Variants in UBE4A observed in about 807,000 individuals in gnomAD.
UBE4A encodes ubiquitin conjugation factor E4 A.
A neutral mutation model predicts 117.9 loss-of-function variants in UBE4A; 48 were observed. That is an observed-to-expected ratio of 0.41 (90% CI 0.32 to 0.52). The LOEUF (loss-of-function observed/expected upper bound fraction) is 0.52. Ranked by LOEUF, UBE4A falls within the 20% of genes least tolerant of loss-of-function variation. UBE4A has a pLI of 0.33. For missense variants in UBE4A, 1,067 were observed against 1,296.3 expected, an observed-to-expected ratio of 0.82 and a Z score of 2.72; for synonymous variants, 407 against 450.0, an observed-to-expected ratio of 0.90 and a Z score of 1.21.
In UBE4A at chr11:118,368,835, C is replaced by G. The variant is rs1329485007; in HGVS notation, c.295+31C>G. The G allele has an allele frequency of 1.9e-6, 3 of 1,609,486 alleles. No homozygotes were observed. The Admixed American group carries it at 5.0e-5, about 27-fold the overall frequency. Reference sequence around the variant, plus strand: ...TTACAAACTTATAGCATTATTCTACCCTTCCTATTTGAGCTTGGGCTAGGG... The same window carrying G: ...TTACAAACTTATAGCATTATTCTACGCTTCCTATTTGAGCTTGGGCTAGGG... On this transcript the variant is annotated intron_variant, in intron 3 of 19. Coordinates refer to ENST00000252108, the MANE Select transcript of UBE4A (RefSeq NM_001204077.2).
Position 118,371,617 on chromosome 11 carries a change from G to A in UBE4A, c.512G>A (p.Arg171Lys). The A allele has an allele frequency of 6.2e-7, 1 of 1,613,768 alleles. No homozygotes were observed. Among genetic ancestry groups the A allele is most frequent in the Non-Finnish European group, 8.5e-7 (1 of 1,180,002 alleles). Reference sequence around the variant, plus strand: ...TCTGCTGATCGAGATGCAGGAGAGAGGCACATTTTTTGTTACCTTTACTCC... The same window carrying A: ...TCTGCTGATCGAGATGCAGGAGAGAAGCACATTTTTTGTTACCTTTACTCC... ...NLSADRDAGE[R>K]HIFCYLYSCF... Residue 171 changes from arginine to lysine, a missense_variant, in exon 5 of 20, where the codon AGG (arginine) becomes AAG (lysine). Physicochemically the swap from Arg to Lys is conservative, Grantham distance 26. This residue lies in a region of UBE4A where 1,001 missense variants were observed against 1,184.0 expected (regional missense o/e 0.85). Transcript: ENST00000252108.
In UBE4A at chr11:118,390,661, G is replaced by T; in HGVS notation, c.2773G>T (p.Glu925Ter). ...ICTIYLNLGDEENFCATVPKD... is the reference protein window; with the variant it reads ...ICTIYLNLGD ...TTTCTGATGCTAATGTTCCAGGGAT[G>T]AGGAGAATTTCTGTGCCACTGTGCC... Residue 925 changes from glutamate (E) to a stop codon, truncating the protein, a stop_gained, in exon 18 of 20, where the codon GAG becomes TAG. Transcript: ENST00000252108. LOFTEE classifies it high-confidence loss of function. 6.6e-7 allele frequency: 1 copy of T among 1,514,928 alleles called. No homozygotes were observed. Among genetic ancestry groups the T allele is most frequent in the South Asian group, 1.3e-5 (1 of 75,554 alleles). The allele number at this position is 1,514,928 out of a possible 1,614,324, so 93.8% of individuals were successfully genotyped here. A position where few individuals can be genotyped will look rare whatever the true frequency, so the allele number is the denominator to read the frequency against.
rs1948503925 is a variant in UBE4A, at chr11:118,359,638, T to G, written c.-78T>G. 1 of 152,250 alleles carries G rather than the reference T, an allele frequency of 6.6e-6. No homozygotes were observed. 9.4% of individuals were successfully genotyped at this position (152,250 alleles called of 1,614,324 possible). On this transcript the variant is annotated 5_prime_UTR_variant, in exon 1 of 20. Transcript: ENST00000252108. ...AGTGGGAACCCTTCGGCCGCTGAGA[T>G]TCTGTCGTGTCGTCGCTGCTGGCAC...
In UBE4A at chr11:118,396,392, C is replaced by T; in HGVS notation, c.3153C>T (p.Ile1051=). The change falls in exon 20 of 20, where the codon ATC becomes ATT. Residue 1051 remains isoleucine, a synonymous_variant. Coordinates refer to ENST00000252108, the MANE Select transcript of UBE4A (RefSeq NM_001204077.2). Reference sequence around the variant, plus strand: ...CAAACACAGAACTAAAAGAAAAAATCCAACGGTGGCTTGCAGAGAGGAAAC... The same window carrying T: ...CAAACACAGAACTAAAAGAAAAAATTCAACGGTGGCTTGCAGAGAGGAAAC... The part of the protein sequence containing the change: ...IRPNTELKEK[I]QRWLAERKQQ... The T allele has an allele frequency of 1.2e-6, 2 of 1,613,922 alleles. No homozygotes were observed. The highest frequency in any genetic ancestry group is 2.2e-5 in the East Asian group (1 of 44,848).
rs1948591591 is a variant in UBE4A, at chr11:118,369,530, G to A, written c.403G>A (p.Glu135Lys). Residue 135 changes from glutamate (E) to lysine (K), a missense_variant, in exon 4 of 20, where the codon GAG becomes AAG. Transcript: ENST00000252108. ...AGACTGGCTTGATATGAGCAATGTT[G>A]AGCAGGTAATATTCTTACGTTCCTA... ...DQDWLDMSNV[E>K]QALFARLLLQ... The A allele has an allele frequency of 1.2e-6, 2 of 1,613,474 alleles. No homozygotes were observed. The highest frequency in any genetic ancestry group is 1.7e-6 in the Non-Finnish European group (2 of 1,179,492).
intron 6 of UBE4A, 74 bp downstream of exon 6, chr11:118,372,740 A>G: frequency 6.3e-7 from 1 of 1,595,610 alleles, no homozygotes; most frequent in Non-Finnish European, 8.5e-7. Context: ...ATTGCATTAG[A>G]AAGTCTCAGA....
At chr11:118,390,960 C>T (rs1230727288) in intron 18 of UBE4A, among the ~76,000 whole-genome samples, 156 bp downstream of exon 18, 3 of 152,210 alleles carry the variant, frequency 2.0e-5, no homozygotes, top group Non-Finnish European at 4.4e-5. Flanking sequence ...TATGATCATG[C>T]CTGTGGATAG....
Position 118,367,658 on chromosome 11 carries a change from C to T in UBE4A, c.122-973C>T, listed in dbSNP as rs534136323. On this transcript the variant is annotated intron_variant, in intron 2 of 19. Transcript: ENST00000252108. ...CTGGGACTACAGGTGTGTGCCACCA[C>T]GCCTGGCTAATTTTTTGTATTAGTA... Among the ~76,000 whole-genome samples the T allele has an allele frequency of 2.6e-5, 4 of 151,714 alleles. No individual in the cohort carries two copies. In the South Asian group the frequency reaches 6.3e-4, roughly 24 times the overall value.
rs1948590572 is a variant in UBE4A, at chr11:118,369,430, C to T, written c.303C>T (p.Pro101=). 3.1e-6 allele frequency: 5 copies of T among 1,613,726 alleles called. No individual in the cohort carries two copies. The highest frequency in any genetic ancestry group is 4.2e-6 in the Non-Finnish European group (5 of 1,179,776). The change falls in exon 4 of 20, where the codon CCC becomes CCT. Residue 101 remains proline, a synonymous_variant. Coordinates refer to ENST00000252108, the MANE Select transcript of UBE4A (RefSeq NM_001204077.2). ...ATTAAAACCATTTCCCAGGTGATCC[C>T]AGCTTGAAAAGCGGGAATGGCATCC... ...IFLITLDNSD[P]SLKSGNGIPS...
At position 118,374,969 on chromosome 11, in the gene UBE4A, A is replaced by C. The variant is rs1555125120; in HGVS notation, c.1190A>C (p.His397Pro). The C allele has an allele frequency of 6.2e-7, 1 of 1,600,210 alleles. No individual in the cohort carries two copies. The highest frequency in any genetic ancestry group is 8.5e-7 in the Non-Finnish European group (1 of 1,171,446). ...CTCCAGCTCTCTCCAGAAACCAAAC[A>C]CTGTATCTTGTCCTGGCTTGGAAAC... ...NLLQLSPETK[H>P]CILSWLGNCL... Residue 397 changes from histidine (H) to proline (P), a missense_variant, in exon 9 of 20, where the codon CAC becomes CCC. His to Pro is a moderately conservative substitution (Grantham distance 77, BLOSUM62 -2). Coordinates refer to ENST00000252108, the MANE Select transcript of UBE4A (RefSeq NM_001204077.2).
chr11:118,379,720 G>C lies in UBE4A; in HGVS notation c.1846G>C (p.Asp616His). ...QPIELTFPLP[D>H]GYSSLAYVPE... Reference sequence around the variant, plus strand: ...AATAGAGCTAACCTTTCCTTTGCCAGATGGCTACAGCTCTTTGGCTTATGT... The same window carrying C: ...AATAGAGCTAACCTTTCCTTTGCCACATGGCTACAGCTCTTTGGCTTATGT... Residue 616 changes from aspartate to histidine, a missense_variant, in exon 11 of 20, where the codon GAT becomes CAT. Transcript: ENST00000252108. The C allele has an allele frequency of 6.2e-7, 1 of 1,612,484 alleles. No homozygotes were observed. Among genetic ancestry groups the C allele is most frequent in the Non-Finnish European group, 8.5e-7 (1 of 1,178,548 alleles).
At chr11:118,386,326 G>T in intron 15 of UBE4A, 112 bp from the exon 16 acceptor site, 4 of 1,181,244 alleles carry the variant, frequency 3.4e-6, no homozygotes, top group Non-Finnish European at 3.5e-6. Flanking sequence ...CTTTTACATG[G>T]TCCCTCGTTT....
rs200494944 is a variant in UBE4A at position 118,371,696 on chromosome 11, A to G, written c.561+30A>G. The G allele has an allele frequency of 1.0e-5, 16 of 1,589,632 alleles. No homozygotes were observed. In the Middle Eastern group the frequency reaches 6.7e-4, roughly 67 times the overall value. ...AGGAATAATCCCCATTGAATACTGT[A>G]TTGTCCTCTTGGGTATGACTTCAGC... On this transcript the variant is annotated intron_variant, in intron 5 of 19. Transcript: ENST00000252108.
Position 118,398,734 on chromosome 11 carries a change from C to G in UBE4A, c.*2294C>G, listed in dbSNP as rs1299351773. ...CAGCTCTGGTATTGCTCATAACTTA[C>G]CAAGAGGCTAATACTAAACTTGGAA... On this transcript the variant is annotated 3_prime_UTR_variant, in exon 20 of 20. Transcript: ENST00000252108. 6.1e-6 allele frequency: 1 copy of G among 164,826 alleles called. No homozygotes were observed. Among genetic ancestry groups the G allele is most frequent in the Non-Finnish European group, 1.3e-5 (1 of 75,186 alleles). The allele number at this position is 164,826 out of a possible 1,614,324, so 10.2% of individuals were successfully genotyped here. A position where few individuals can be genotyped will look rare whatever the true frequency, so the allele number is the denominator to read the frequency against.
chr11:118,371,770 A>G, intron 5 of UBE4A, 104 bp downstream of exon 5: 1 of 1,266,804 alleles, frequency 7.9e-7, no homozygotes, highest in Non-Finnish European at 1.1e-6. Flanking sequence ...TATATGTCAT[A>G]GTATGTCTAG....
At chr11:118,367,688 T>C (rs909950066) in intron 2 of UBE4A, among the ~76,000 whole-genome samples, 1 of 151,700 alleles carries the variant, frequency 6.6e-6, no homozygotes, top group Non-Finnish European at 1.5e-5. Context: ...TTAGTAGGGA[T>C]GGGGTTTCAC....
Position 118,386,562 on chromosome 11 carries a change from A to G in UBE4A, c.2537A>G (p.His846Arg). The change falls in exon 16 of 20, where the codon CAT becomes CGT. Residue 846 changes from histidine (H) to arginine (R), a missense_variant. Physicochemically the swap from His to Arg is conservative, Grantham distance 29. Around this residue, in one of 3 missense-constraint regions of UBE4A, gnomAD observed 1,001 missense variants for 1,184.0 expected, o/e 0.85. Coordinates refer to ENST00000252108, the MANE Select transcript of UBE4A (RefSeq NM_001204077.2). Reference protein sequence around the residue: ...LQMFGQLARFHNIMSNETIGT... With the variant: ...LQMFGQLARFRNIMSNETIGT... ...ATGTTTGGACAGCTGGCACGTTTCC[A>G]TAACATCATGTCCAATGAAACAATC... is the stretch of plus-strand genomic sequence containing the variant. The G allele has an allele frequency of 1.2e-6, 2 of 1,601,008 alleles. No homozygotes were observed. The highest frequency in any genetic ancestry group is 2.7e-5 in the African/African-American group (2 of 73,868).
chr11:118,392,701 G>A, intron 18 of UBE4A, 37 bp from the exon 19 acceptor site: 1 of 1,596,074 alleles, frequency 6.3e-7, no homozygotes, highest in Non-Finnish European at 8.6e-7. Flanking sequence ...CAGCTACACT[G>A]TGAATTCACT....
intron 7 of UBE4A, 40 bp downstream of exon 7, chr11:118,373,328 G>C: frequency 6.3e-7 from 1 of 1,597,614 alleles, no homozygotes; most frequent in Non-Finnish European, 8.6e-7. Flanking sequence ...TGAGCTAGAT[G>C]TGTAATACAT....
Sources: gnomAD v4.1 joint callset for allele counts (sites outside exome capture counted in the v4.1 genomes callset) on GRCh38, gnomAD v4.1.1 for gene constraint, gnomAD v4.1.1 regional missense constraint, MANE v1.5 for transcripts, NCBI Gene and HGNC (gene_info 2026-07-23, HGNC 2026-07-21) for gene names.